Variants in GRAMD4 observed in about 807,000 individuals in gnomAD.
GRAMD4 encodes GRAM domain-containing protein 4.
In GRAMD4, 25 loss-of-function variants were observed where a neutral mutation model predicts 83.9. The ratio of observed to expected loss-of-function variants is 0.30; its 90% CI spans 0.22 to 0.42. GRAMD4 has a LOEUF of 0.42. GRAMD4 is among the 10% of genes least tolerant of loss of function. The pLI, the probability that GRAMD4 is intolerant of heterozygous loss-of-function variation, is 1.00. For synonymous variants in GRAMD4, 336 were observed against 320.9 expected (o/e 1.05, Z -0.50); for missense variants, 593 against 788.7 (o/e 0.75, Z 2.97).
Position 46,679,139 on chromosome 22 carries a change from A to G in GRAMD4, c.*1888A>G. 1 of 985,296 alleles carries G rather than the reference A, an allele frequency of 1.0e-6. No homozygotes were observed. Among genetic ancestry groups the G allele is most frequent in the Non-Finnish European group, 1.2e-6 (1 of 829,908 alleles). The allele number at this position is 985,296 out of a possible 1,614,324, so 61.0% of individuals were successfully genotyped here. A position where few individuals can be genotyped will look rare whatever the true frequency, so the allele number is the denominator to read the frequency against. ...GGCAGTGCCCGCAGACAATGGCCAC[A>G]CCTCTCTCCCCAGGGCCCGGCAGTG... On this transcript the variant is annotated 3_prime_UTR_variant, in exon 19 of 19. Coordinates refer to ENST00000406902, the MANE Select transcript of GRAMD4 (RefSeq NM_015124.5).
chr22:46,662,981 G>C, intron 5 of GRAMD4, 59 bp from the exon 6 acceptor site: 2 of 1,506,368 alleles, frequency 1.3e-6, no homozygotes, highest in South Asian at 2.6e-5. Context: ...TCCCGGAGCC[G>C]ACCCCAGAAC....
At position 46,592,476 on chromosome 22, in the gene GRAMD4, G is replaced by C. The variant is rs1166504145; in HGVS notation, c.-50+15186G>C. ...AAAAAAAAAAAGGATGAAGTGGGCT[G>C]TTAGCACTGAGTCATGGCGAGCAAG... On this transcript the variant is annotated intron_variant, in intron 1 of 1. Transcript: ENST00000431155. 2.0e-5 allele frequency among the ~76,000 whole-genome samples: 3 copies of C among 151,812 alleles called. No homozygotes were observed. In the East Asian group the frequency reaches 5.8e-4, roughly 29 times the overall value.
chr22:46,663,201 G>T, intron 6 of GRAMD4, 29 bp downstream of exon 6: 2 of 1,598,562 alleles, frequency 1.3e-6, no homozygotes, highest in Middle Eastern at 1.8e-4. Flanking sequence ...GGGGCTGCCT[G>T]TGCGTTAGGG....
At chr22:46,658,771 T>C (rs1205998687) in intron 4 of GRAMD4, among the ~76,000 whole-genome samples, 1 of 151,712 alleles carries the variant, frequency 6.6e-6, no homozygotes, top group African/African-American at 2.4e-5. Flanking sequence ...CGTGTTCCCA[T>C]GCCCCCTGTC....
exon 1 of GRAMD4, chr22:46,577,210 G>T (rs1469075461): frequency 1.2e-6 from 1 of 869,204 alleles, no homozygotes; most frequent in South Asian, 5.3e-5. Context: ...CCGGGCGGGC[G>T]GCAGGCGTAG....
intron 1 of GRAMD4, among the ~76,000 whole-genome samples, chr22:46,613,216 A>T (rs2081434795): frequency 6.6e-6 from 1 of 152,124 alleles, no homozygotes; most frequent in Non-Finnish European, 1.5e-5. Context: ...CAGCACTCTC[A>T]TGTTGTCCTC....
At chr22:46,595,216 A>G (rs1487976950) in intron 1 of GRAMD4, among the ~76,000 whole-genome samples, 1 of 152,158 alleles carries the variant, frequency 6.6e-6, no homozygotes, top group Non-Finnish European at 1.5e-5. Flanking sequence ...GGGCGTGGGT[A>G]CTAACTACAG....
intron 2 of GRAMD4, among the ~76,000 whole-genome samples, chr22:46,630,863 A>C (rs2081761167): frequency 1.1e-5 from 1 of 88,434 alleles, no homozygotes; most frequent in African/African-American, 3.3e-5. Flanking sequence ...TGCCCTCCAT[A>C]GCCCCCCGAG....
chr22:46,634,364 T>C (rs1356545588), intron 2 of GRAMD4, among the ~76,000 whole-genome samples: 2 of 152,056 alleles, frequency 1.3e-5, no homozygotes, highest in African/African-American at 4.8e-5. Context: ...GCTACATAGA[T>C]AAGAAACCTA....
intron 2 of GRAMD4, among the ~76,000 whole-genome samples, chr22:46,627,603 G>A (rs1041186453): frequency 1.3e-5 from 2 of 152,206 alleles, no homozygotes; most frequent in East Asian, 1.9e-4. Context: ...GGCTCCCTGC[G>A]GCCCCTCCTC....
rs1007323669 is a variant in GRAMD4, at chr22:46,678,490, C to T, written c.*1239C>T. The T allele has an allele frequency of 1.0e-4, 102 of 985,194 alleles. No individual in the cohort carries two copies. Among genetic ancestry groups the T allele is most frequent in the South Asian group, 4.2e-4 (9 of 21,286 alleles). 61.0% of individuals were successfully genotyped at this position (985,194 alleles called of 1,614,324 possible). ...GCCCGCAGGCCTGGTCTGCTGGGGC[C>T]GCCTGCGCTGGGCTGAAGGGAGGGA... On this transcript the variant is annotated 3_prime_UTR_variant, in exon 19 of 19. Coordinates refer to ENST00000406902, the MANE Select transcript of GRAMD4 (RefSeq NM_015124.5).
intron 4 of GRAMD4, among the ~76,000 whole-genome samples, chr22:46,658,563 C>T (rs993492147): frequency 5.3e-5 from 8 of 152,262 alleles, no homozygotes; most frequent in African/African-American, 1.7e-4. Context: ...ACAGGTGCTC[C>T]TGCCAGCCCC....
intron 13 of GRAMD4, 112 bp downstream of exon 13, chr22:46,669,020 T>C: frequency 1.6e-6 from 1 of 642,624 alleles, no homozygotes; most frequent in East Asian, 2.7e-5. Context: ...CTGGCGATCC[T>C]TCCTCTGCTT....
Position 46,677,532 on chromosome 22 carries a change from G to A in GRAMD4, c.*281G>A. 8.4e-7 allele frequency: 1 copy of A among 1,196,612 alleles called. No individual in the cohort carries two copies. Among genetic ancestry groups the A allele is most frequent in the Non-Finnish European group, 1.0e-6 (1 of 958,888 alleles). The allele number at this position is 1,196,612 out of a possible 1,614,324, so 74.1% of individuals were successfully genotyped here. On this transcript the variant is annotated 3_prime_UTR_variant, in exon 19 of 19. Transcript: ENST00000406902. ...GGGCAGAGGCCCTCGGGGGCCCGTGGAGAAGACACACAGGACCCCTGGCCC... is the reference window on the plus strand; with the variant it reads ...GGGCAGAGGCCCTCGGGGGCCCGTGAAGAAGACACACAGGACCCCTGGCCC...
chr22:46,580,983 A>AG lies in GRAMD4; in HGVS notation c.-50+3693_-50+3694insG, dbSNP rs1482300825. On this transcript the variant is annotated intron_variant, in intron 1 of 1. Transcript: ENST00000431155. ...ACTCCATCTCAAAAAAAAAAAAAAA[A>AG]AGAAAGAAAGAAAAAAGAAAATGCG... Among the ~76,000 whole-genome samples the AG allele has an allele frequency of 3.3e-4, 49 of 146,302 alleles. 1 individual carries two copies. The Middle Eastern group carries it at 0.014, about 42-fold the overall frequency.
Position 46,678,436 on chromosome 22 carries a change from G to A in GRAMD4, c.*1185G>A, listed in dbSNP as rs1217996754. On this transcript the variant is annotated 3_prime_UTR_variant, in exon 19 of 19. Transcript: ENST00000406902. ...TGCCCCAGGGAAGCCTGGGCTTCCC[G>A]GGAACAAGGTGGCATTTGTGGAGGG... 1.3e-5 allele frequency: 13 copies of A among 984,104 alleles called. No individual in the cohort carries two copies. The highest frequency in any genetic ancestry group is 1.2e-4 in the East Asian group (1 of 8,518). The allele number at this position is 984,104 out of a possible 1,614,324, so 61.0% of individuals were successfully genotyped here. A position where few individuals can be genotyped will look rare whatever the true frequency, so the allele number is the denominator to read the frequency against.
chr22:46,673,311 C>T (rs557327735), intron 14 of GRAMD4, among the ~76,000 whole-genome samples: 1 of 152,354 alleles, frequency 6.6e-6, no homozygotes, highest in East Asian at 1.9e-4. Flanking sequence ...GGCGCTGAGA[C>T]CAGGCAGTTT....
At chr22:46,656,529 G>A (rs943896794) in intron 3 of GRAMD4, among the ~76,000 whole-genome samples, 1 of 152,222 alleles carries the variant, frequency 6.6e-6, no homozygotes, top group African/African-American at 2.4e-5. Flanking sequence ...CCCAGTTTTG[G>A]AGTCTTAGGT....
Position 46,597,873 on chromosome 22 carries a change from GGTTTT to G in GRAMD4, c.-50+20599_-50+20603del, listed in dbSNP as rs946860010. ...TGGGGGCAAGTTTAGGTGACACGTT[GGTTTT>G]GTTTTGTTTTGTTTTTACCATTATC... On this transcript the variant is annotated intron_variant, in intron 1 of 1. Coordinates refer to the GRAMD4 transcript ENST00000431155. 2.2e-3 allele frequency among the ~76,000 whole-genome samples: 333 copies of G among 152,258 alleles called. 1 individual carries two copies. Among genetic ancestry groups the G allele is most frequent in the African/African-American group, 7.7e-3 (321 of 41,556 alleles).
Sources: gnomAD v4.1 joint callset for allele counts (sites outside exome capture counted in the v4.1 genomes callset) on GRCh38, gnomAD v4.1.1 for gene constraint, MANE v1.5 for transcripts, NCBI Gene and HGNC (gene_info 2026-07-23, HGNC 2026-07-21) for gene names.